The following BRAF variants were observed in gnomAD, a reference collection of about 807,000 sequenced individuals.
BRAF encodes serine/threonine-protein kinase B-raf.
Under a neutral mutation model 104.6 loss-of-function variants are expected in BRAF, and 16 were observed. The ratio of observed to expected loss-of-function variants is 0.15; its 90% CI spans 0.10 to 0.23. The LOEUF is 0.23. Ranked by LOEUF, BRAF falls within the 10% of genes least tolerant of loss-of-function variation. The pLI is 1.00. For missense variants in BRAF, 541 were observed against 937.3 expected (o/e 0.58, Z 5.52); for synonymous variants, 310 against 341.6 (o/e 0.91, Z 1.02).
intron 15 of BRAF, 190 bp from the exon 15 acceptor site, chr7:140,753,583 T>C (rs72558381): frequency 0.014 from 6,521 of 473,468 alleles, 92 homozygotes; most frequent in Non-Finnish European, 0.021. Flanking sequence ...ATTTAGCCTA[T>C]ATAACCTGCT....
At position 140,740,883 on chromosome 7, in the gene BRAF, A is replaced by G. The variant is rs540033750; in HGVS notation, c.2113-937T>C. ...GTAGAGGTTAAAGGATGAACCTTGG[A>G]AAGAGTTACTGAATTGAGGGGATTA... On this transcript the variant is annotated intron_variant, in intron 17 of 19. Coordinates refer to ENST00000644969, the MANE Select transcript of BRAF (RefSeq NM_001374258.1). The G allele has an allele frequency of 3.3e-5, 5 of 152,320 alleles. No homozygotes were observed. In the East Asian group the frequency reaches 7.7e-4, roughly 23 times the overall value. 9.4% of individuals were successfully genotyped at this position (152,320 alleles called of 1,614,324 possible).
At chr7:140,820,121 C>CA (rs1013100239) in intron 3 of BRAF, among the ~76,000 whole-genome samples, 149 of 152,170 alleles carry the variant, frequency 9.8e-4, no homozygotes, top group African/African-American at 3.3e-3. Context: ...ATAATACAAA[C>CA]AACTGTCATA....
At chr7:140,860,928 T>C (rs1810350962) in intron 1 of BRAF, among the ~76,000 whole-genome samples, 1 of 152,160 alleles carries the variant, frequency 6.6e-6, no homozygotes, top group African/African-American at 2.4e-5. Flanking sequence ...AAATGTTCCC[T>C]AAGAGAGAAA....
At chr7:140,879,530 A>G (rs932540891) in intron 1 of BRAF, among the ~76,000 whole-genome samples, 1 of 141,126 alleles carries the variant, frequency 7.1e-6, no homozygotes, top group Admixed American at 7.5e-5. Flanking sequence ...GTAGTCTAGT[A>G]ATGTCCAATA....
chr7:140,914,086 GAACA>G (rs1354963559), intron 1 of BRAF, among the ~76,000 whole-genome samples: 1 of 152,104 alleles, frequency 6.6e-6, no homozygotes, highest in Non-Finnish European at 1.5e-5. Flanking sequence ...ACAAAAAAAA[GAACA>G]AAGATTTCTG....
At chr7:140,918,522 G>A (rs1424145727) in intron 1 of BRAF, among the ~76,000 whole-genome samples, 1 of 152,140 alleles carries the variant, frequency 6.6e-6, no homozygotes, top group Non-Finnish European at 1.5e-5. Context: ...TGTGGCCCAG[G>A]GGTTGGGGGC....
At position 140,739,904 on chromosome 7, in the gene BRAF, T is replaced by C. The variant is rs1796765109; in HGVS notation, c.2155A>G (p.Ser719Gly). The C allele has an allele frequency of 6.2e-7, 1 of 1,613,684 alleles. No individual in the cohort carries two copies. Among genetic ancestry groups the C allele is most frequent in the Admixed American group, 1.7e-5 (1 of 60,000 alleles). The stretch of plus-strand genomic sequence containing the variant: ...TTTGGACAGTTACTCCGTACCTTAC[T>C]GAGATCTGGAGACAGGTATCCTCGT... ...VGRGYLSPDL[S>G]KVRSNCPKAM... is the part of the protein sequence containing the mutation. Residue 719 changes from serine (S) to glycine (G), a missense_variant, in exon 18 of 20, where the codon AGT (serine) becomes GGT (glycine). Around this residue, in one of 10 missense-constraint regions of BRAF, gnomAD observed 129 missense variants for 285.8 expected, o/e 0.45. Coordinates refer to ENST00000644969, the MANE Select transcript of BRAF (RefSeq NM_001374258.1).
At chr7:140,777,187 A>G (rs1375873821) in intron 13 of BRAF, 99 bp from the exon 13 acceptor site, 1 of 1,331,806 alleles carries the variant, frequency 7.5e-7, no homozygotes, top group Non-Finnish European at 1.0e-6. Context: ...ATGTTGTCAG[A>G]AAAAGCTTTT....
chr7:140,773,577 AT>A (rs1307025448), intron 14 of BRAF, among the ~76,000 whole-genome samples: 7 of 152,166 alleles, frequency 4.6e-5, no homozygotes, highest in African/African-American at 1.7e-4. Flanking sequence ...CAGTCCAGAG[AT>A]ATTTATTTTC....
chr7:140,913,984 A>T (rs1285419455), intron 1 of BRAF, among the ~76,000 whole-genome samples: 1 of 152,188 alleles, frequency 6.6e-6, no homozygotes, highest in Non-Finnish European at 1.5e-5. Flanking sequence ...TTAACACTGA[A>T]ACAGTTCTAG....
At chr7:140,717,635 T>C (rs1350001763), downstream of BRAF, among the ~76,000 whole-genome samples, 1 of 152,214 alleles carries the variant, frequency 6.6e-6, no homozygotes, top group Non-Finnish European at 1.5e-5. Context: ...TCACAGCCCC[T>C]GATAAAATTT....
chr7:140,896,762 A>T (rs1035553029), intron 1 of BRAF, among the ~76,000 whole-genome samples: 18 of 150,376 alleles, frequency 1.2e-4, no homozygotes, highest in African/African-American at 4.4e-4. Flanking sequence ...GCTACTCGGA[A>T]GGCTGAGAGG....
At chr7:140,801,944 T>C (rs539589464) in intron 5 of BRAF, among the ~76,000 whole-genome samples, 17 of 152,264 alleles carry the variant, frequency 1.1e-4, no homozygotes, top group East Asian at 3.9e-4. Context: ...CCGACTGGTG[T>C]TGACGGAACA....
chr7:140,791,582 T>C (rs1801976218), intron 8 of BRAF, among the ~76,000 whole-genome samples: 5 of 143,906 alleles, frequency 3.5e-5, no homozygotes, highest in Non-Finnish European at 6.3e-5. Context: ...TTAACTGACA[T>C]AAATATGCTA....
chr7:140,855,313 A>G (rs1809652275), intron 1 of BRAF, among the ~76,000 whole-genome samples: 1 of 152,122 alleles, frequency 6.6e-6, no homozygotes, highest in Non-Finnish European at 1.5e-5. Flanking sequence ...ACAAAACTAA[A>G]AACTTCAAGA....
intron 17 of BRAF, chr7:140,740,281 A>G (rs1485339577): frequency 4.7e-6 from 1 of 213,582 alleles, no homozygotes; most frequent in Admixed American, 5.2e-5. Context: ...TTTAAAAAAA[A>G]AAAAAATTTA....
chr7:140,770,385 T>C (rs1397722105), intron 14 of BRAF, among the ~76,000 whole-genome samples: 7 of 152,156 alleles, frequency 4.6e-5, no homozygotes, highest in Non-Finnish European at 7.4e-5. Context: ...TTATTTTTAA[T>C]CATCTTATTT....
Position 140,721,070 on chromosome 7 carries a change from T to C in BRAF, c.*5424A>G. On this transcript the variant is annotated 3_prime_UTR_variant, in exon 20 of 20. Coordinates refer to ENST00000644969, the MANE Select transcript of BRAF (RefSeq NM_001374258.1). ...TTTCAGAGCACTTCTATCTACAGAATTCTTTAAAAAAAAATGCACCTCTAA... is the reference window on the plus strand; with the variant it reads ...TTTCAGAGCACTTCTATCTACAGAACTCTTTAAAAAAAAATGCACCTCTAA... 1 of 1,064,236 alleles carries C rather than the reference T, an allele frequency of 9.4e-7. No individual in the cohort carries two copies. The highest frequency in any genetic ancestry group is 1.1e-6 in the Non-Finnish European group (1 of 878,674). 65.9% of individuals were successfully genotyped at this position (1,064,236 alleles called of 1,614,324 possible). A position where few individuals can be genotyped will look rare whatever the true frequency, so the allele number is the denominator to read the frequency against.
At chr7:140,899,373 G>T (rs1356330290) in intron 1 of BRAF, among the ~76,000 whole-genome samples, 2 of 152,144 alleles carry the variant, frequency 1.3e-5, no homozygotes, top group Non-Finnish European at 2.9e-5. Context: ...CATTAGTCTA[G>T]GGCAAACGCC....
Sources: allele counts gnomAD v4.1 joint callset (sites outside exome capture counted in the v4.1 genomes callset), GRCh38; gene constraint gnomAD v4.1.1; regional missense constraint gnomAD v4.1.1; transcripts MANE v1.5; gene names NCBI Gene and HGNC (gene_info 2026-07-23, HGNC 2026-07-21).